Variants in GOLGA1 observed in about 807,000 individuals in gnomAD.
GOLGA1 encodes golgin subfamily A member 1.
Under a neutral mutation model 119.7 loss-of-function variants are expected in GOLGA1, and 63 were observed. That is an observed-to-expected ratio of 0.53 (90% CI 0.43 to 0.65). The LOEUF is 0.65. Among genes scored for constraint, GOLGA1 ranks in the 30% least tolerant of loss-of-function variants. The pLI, the probability that GOLGA1 is intolerant of heterozygous loss-of-function variation, is 0.00. For missense variants in GOLGA1, 798 were observed against 912.8 expected (o/e 0.87, Z 1.62); for synonymous variants, 318 against 333.4 (o/e 0.95, Z 0.50).
intron 20 of GOLGA1, among the ~76,000 whole-genome samples, chr9:124,882,228 T>C (rs1458994624): frequency 6.6e-6 from 1 of 151,972 alleles, no homozygotes; most frequent in Non-Finnish European, 1.5e-5. Context: ...ACACACACAC[T>C]GTTAGAGCAT....
At chr9:124,900,271 C>T in intron 13 of GOLGA1, 181 bp downstream of exon 13, 1 of 454,358 alleles carries the variant, frequency 2.2e-6, no homozygotes, top group East Asian at 3.8e-5. Flanking sequence ...CTCAGGCCCA[C>T]CATTAGGTCC....
chr9:124,911,812 C>G lies in GOLGA1; in HGVS notation c.969+89G>C, dbSNP rs111549305. On this transcript the variant is annotated intron_variant, in intron 11 of 22. Coordinates refer to ENST00000373555, the MANE Select transcript of GOLGA1 (RefSeq NM_002077.4). Reference sequence around the variant, plus strand: ...TTTGTTACCATGCTGTTTGCTGGCCCTACAGCTCTGAAACTCTAGGAATTG... The same window carrying G: ...TTTGTTACCATGCTGTTTGCTGGCCGTACAGCTCTGAAACTCTAGGAATTG... 643 of 1,178,334 alleles carry G rather than the reference C, an allele frequency of 5.5e-4. 8 individuals carry two copies. In the African/African-American group the frequency reaches 6.8e-3, roughly 12 times the overall value. The allele number at this position is 1,178,334 out of a possible 1,614,324, so 73.0% of individuals were successfully genotyped here. A position where few individuals can be genotyped will look rare whatever the true frequency, so the allele number is the denominator to read the frequency against.
rs1434315248 is a variant in GOLGA1, at chr9:124,881,254, A to G, written c.2140T>C (p.Phe714Leu). Residue 714 changes from phenylalanine to leucine, a missense_variant, in exon 22 of 23, where the codon TTT becomes CTT. Transcript: ENST00000373555. This position sits in a 1 kb window ranked among gnomAD's most constrained non-coding sequence, Gnocchi z 4.9. ...KFMSCRESEAFHLIKAVSVLL... is the reference protein window; with the variant it reads ...KFMSCRESEALHLIKAVSVLL... ...ACTGACACAGCTTTTATAAGATGAA[A>G]AGCCTGAAACACAGTAAGTTTTGCT... The G allele has an allele frequency of 1.3e-6, 2 of 1,594,984 alleles. No homozygotes were observed. The highest frequency in any genetic ancestry group is 1.1e-5 in the South Asian group (1 of 90,752).
At chr9:124,940,329 C>T (rs1248372735) in intron 1 of GOLGA1, among the ~76,000 whole-genome samples, 174 bp from the exon 2 acceptor site, 1 of 152,170 alleles carries the variant, frequency 6.6e-6, no homozygotes, top group Non-Finnish European at 1.5e-5. Flanking sequence ...ACCCTGATCT[C>T]CTATGAAATT....
At position 124,881,992 on chromosome 9, in the gene GOLGA1, C is replaced by T. The variant is rs769564188; in HGVS notation, c.1966-38G>A. On this transcript the variant is annotated intron_variant, in intron 20 of 22. Transcript: ENST00000373555. The surrounding 1 kb of genome is among the most constrained non-coding windows in gnomAD (Gnocchi z 4.9). Reference sequence around the variant, plus strand: ...TGGGAAAGATGCTACACCGAACCCTCTGAGACAGGTGGAAAAAATCACACG... The same window carrying T: ...TGGGAAAGATGCTACACCGAACCCTTTGAGACAGGTGGAAAAAATCACACG... 1.7e-5 allele frequency: 25 copies of T among 1,478,154 alleles called. No individual in the cohort carries two copies. In the South Asian group the frequency reaches 3.0e-4, roughly 18 times the overall value. 91.6% of individuals were successfully genotyped at this position (1,478,154 alleles called of 1,614,324 possible). A position where few individuals can be genotyped will look rare whatever the true frequency, so the allele number is the denominator to read the frequency against.
At chr9:124,885,861 C>T (rs974248609) in intron 19 of GOLGA1, among the ~76,000 whole-genome samples, 1 of 152,100 alleles carries the variant, frequency 6.6e-6, no homozygotes, top group African/African-American at 2.4e-5. Context: ...AGGGCTAAGA[C>T]AAGAGTGCCA....
intron 19 of GOLGA1, among the ~76,000 whole-genome samples, chr9:124,886,530 A>C (rs1829723914): frequency 6.6e-6 from 1 of 151,952 alleles, no homozygotes; most frequent in Admixed American, 6.6e-5. Context: ...AGAGAAGAGG[A>C]GTGGGAATGG....
chr9:124,885,164 T>C (rs1265922235), intron 19 of GOLGA1, among the ~76,000 whole-genome samples: 1 of 152,048 alleles, frequency 6.6e-6, no homozygotes, highest in Non-Finnish European at 1.5e-5. Context: ...CCATCTCTAC[T>C]AAAAATACAA....
intron 15 of GOLGA1, among the ~76,000 whole-genome samples, chr9:124,896,943 G>C (rs1037538084): frequency 6.6e-6 from 1 of 151,134 alleles, no homozygotes; most frequent in African/African-American, 2.4e-5. Context: ...AAAAAAAAAA[G>C]ACCTGCCAGG....
At chr9:124,914,961 C>T (rs1171008882) in intron 10 of GOLGA1, among the ~76,000 whole-genome samples, 1 of 152,186 alleles carries the variant, frequency 6.6e-6, no homozygotes, top group Non-Finnish European at 1.5e-5. Flanking sequence ...TATTGATATG[C>T]GATCTCCTTC....
At chr9:124,921,988 G>A (rs894434567) in intron 8 of GOLGA1, 96 bp from the exon 9 acceptor site, 19 of 1,023,620 alleles carry the variant, frequency 1.9e-5, no homozygotes, top group Non-Finnish European at 2.2e-5. Context: ...AACACTTTGG[G>A]AGGCTGAGGC....
chr9:124,922,436 A>G (rs894808425), intron 8 of GOLGA1, among the ~76,000 whole-genome samples: 6 of 151,128 alleles, frequency 4.0e-5, no homozygotes, highest in African/African-American at 1.5e-4. Context: ...CTGTAGTCCC[A>G]GCTACTCGGG....
chr9:124,919,152 G>T (rs529553036), intron 10 of GOLGA1, among the ~76,000 whole-genome samples: 1 of 152,212 alleles, frequency 6.6e-6, no homozygotes, highest in Non-Finnish European at 1.5e-5. Context: ...AGCTATTTGG[G>T]AGGCTGAGGT....
intron 12 of GOLGA1, among the ~76,000 whole-genome samples, chr9:124,904,943 C>CAAAAAA (rs111292002): frequency 7.6e-6 from 1 of 131,284 alleles, no homozygotes. Flanking sequence ...GACTCTGTCT[C>CAAAAAA]AAAAAAAAAA....
rs559323068 is a variant in GOLGA1 at position 124,892,893 on chromosome 9, T to C, written c.1408-2415A>G. Among the ~76,000 whole-genome samples the C allele has an allele frequency of 3.5e-3, 534 of 150,608 alleles. 3 individuals are homozygous for C. The highest frequency in any genetic ancestry group is 0.012 in the African/African-American group (504 of 40,842). On this transcript the variant is annotated intron_variant, in intron 15 of 22. Coordinates refer to ENST00000373555, the MANE Select transcript of GOLGA1 (RefSeq NM_002077.4). The stretch of plus-strand genomic sequence containing the variant: ...GTTGCAGTGAGCCGAGATCACGCCA[T>C]TGCACTCCAGCCTGGGCAACAGGAG...
chr9:124,943,734 C>T (rs970543534), upstream of GOLGA1: 2 of 152,086 alleles, frequency 1.3e-5, no homozygotes, highest in Non-Finnish European at 2.9e-5. Context: ...AAAGATCAAA[C>T]ATAACTTATT....
At chr9:124,912,472 G>A (rs1213024751) in intron 10 of GOLGA1, among the ~76,000 whole-genome samples, 1 of 152,186 alleles carries the variant, frequency 6.6e-6, no homozygotes, top group Non-Finnish European at 1.5e-5. Flanking sequence ...CACAGGACAG[G>A]GACCACAGCA....
intron 12 of GOLGA1, among the ~76,000 whole-genome samples, chr9:124,904,948 A>AG (rs1431045621): frequency 6.8e-6 from 1 of 147,114 alleles, no homozygotes; most frequent in Non-Finnish European, 1.5e-5. Flanking sequence ...TGTCTCAAAA[A>AG]AAAAAAATAA....
Position 124,899,389 on chromosome 9 carries a change from G to C in GOLGA1, c.1251C>G (p.Ala417=). The change falls in exon 14 of 23, where the codon GCC becomes GCG. Residue 417 remains alanine (A), a synonymous_variant. Transcript: ENST00000373555. ...GCGTTCTCTCCAGGGCCACTATCTG[G>C]GCTTCTAGCGCCTGGGTGCGCTCCA... The part of the protein sequence containing the change: ...QFLERTQALE[A]QIVALERTRA... 4 of 1,549,236 alleles carry C rather than the reference G, an allele frequency of 2.6e-6. No individual in the cohort carries two copies. In the South Asian group the frequency reaches 4.8e-5, roughly 18 times the overall value.
Sources: gnomAD v4.1 joint callset for allele counts (sites outside exome capture counted in the v4.1 genomes callset) on GRCh38, gnomAD v4.1.1 for gene constraint, Gnocchi (gnomAD v3.1) non-coding constraint, MANE v1.5 for transcripts, NCBI Gene and HGNC (gene_info 2026-07-23, HGNC 2026-07-21) for gene names.